Variants in RPSA2 observed in about 807,000 individuals in gnomAD.
The protein encoded by RPSA2 is ribosomal protein SA 2.
chr19:23,820,694 C>CCT, the RPSA2 span, among the ~76,000 whole-genome samples: 1 of 152,070 alleles, frequency 6.6e-6, no homozygotes, highest in Non-Finnish European at 1.5e-5. Context: ...AGTTAAAACT[C>CCT]CTCCTTATAT....
chr19:23,829,134 T>C, the RPSA2 span, among the ~76,000 whole-genome samples: 1 of 152,248 alleles, frequency 6.6e-6, no homozygotes, highest in Non-Finnish European at 1.5e-5. Flanking sequence ...ATTTGATTAA[T>C]GTTTGCATGG....
At chr19:23,851,002 C>A in the RPSA2 span, among the ~76,000 whole-genome samples, 5 of 152,276 alleles carry the variant, frequency 3.3e-5, no homozygotes, top group African/African-American at 9.6e-5. Flanking sequence ...AAATCAAAAG[C>A]CTTACATATC....
chr19:23,850,679 C>T, the RPSA2 span, among the ~76,000 whole-genome samples: 148,489 of 151,806 alleles, frequency 0.98, 72,716 homozygotes, highest in Middle Eastern at 1. Context: ...GTTATAATCG[C>T]TCCAGGTTCC....
At chr19:23,810,902 C>T in the RPSA2 span, among the ~76,000 whole-genome samples, 1 of 152,124 alleles carries the variant, frequency 6.6e-6, no homozygotes, top group South Asian at 2.1e-4. Flanking sequence ...CTGTAGTTTG[C>T]CACCTGAATG....
chr19:23,868,383 A>T, the RPSA2 span, among the ~76,000 whole-genome samples: 4 of 152,210 alleles, frequency 2.6e-5, no homozygotes, highest in African/African-American at 9.6e-5. Context: ...TTAAAAACTG[A>T]CAATAGACCT....
At chr19:23,806,624 A>G in the RPSA2 span, among the ~76,000 whole-genome samples, 5 of 151,662 alleles carry the variant, frequency 3.3e-5, no homozygotes, top group Non-Finnish European at 7.4e-5. Context: ...TCCCTACAAA[A>G]AATACAAAAA....
the RPSA2 span, among the ~76,000 whole-genome samples, chr19:23,851,912 G>A: frequency 6.6e-6 from 1 of 152,228 alleles, no homozygotes; most frequent in East Asian, 1.9e-4. Flanking sequence ...GAAGCGGCCT[G>A]AACTTTGAGC....
At chr19:23,805,930 C>T in the RPSA2 span, among the ~76,000 whole-genome samples, 7 of 152,094 alleles carry the variant, frequency 4.6e-5, no homozygotes, top group African/African-American at 1.2e-4. Flanking sequence ...ACCATGAATT[C>T]GTGATCTGCA....
the RPSA2 span, among the ~76,000 whole-genome samples, chr19:23,810,160 G>C: frequency 6.6e-6 from 1 of 152,038 alleles, no homozygotes. Context: ...GTGGGAGGCC[G>C]AGGCGGGTGG....
At chr19:23,855,538 G>T in the RPSA2 span, among the ~76,000 whole-genome samples, 1 of 152,254 alleles carries the variant, frequency 6.6e-6, no homozygotes, top group East Asian at 1.9e-4. Flanking sequence ...GTTTGTTTTG[G>T]CATAATAAGC....
the RPSA2 span, among the ~76,000 whole-genome samples, chr19:23,848,799 A>G: frequency 3.9e-5 from 6 of 152,332 alleles, no homozygotes; most frequent in East Asian, 1.2e-3. Flanking sequence ...CTTGTTGAGA[A>G]TTCCACATTT....
At chr19:23,771,505 C>T in the RPSA2 span, among the ~76,000 whole-genome samples, 1 of 152,332 alleles carries the variant, frequency 6.6e-6, no homozygotes, top group Non-Finnish European at 1.5e-5. Context: ...CCTCCACCTT[C>T]ATCCAGATGT....
the RPSA2 span, among the ~76,000 whole-genome samples, chr19:23,792,447 G>C: frequency 2.0e-5 from 3 of 152,116 alleles, no homozygotes; most frequent in Non-Finnish European, 4.4e-5. Context: ...GAGATTGGGA[G>C]GGTCTTACTG....
the RPSA2 span, among the ~76,000 whole-genome samples, chr19:23,856,757 T>C: frequency 3.3e-5 from 5 of 152,022 alleles, no homozygotes; most frequent in East Asian, 7.7e-4. Context: ...CACATATCGG[T>C]AGGACCATGA....
chr19:23,866,052 A>G, the RPSA2 span, among the ~76,000 whole-genome samples: 1 of 152,188 alleles, frequency 6.6e-6, no homozygotes, highest in Non-Finnish European at 1.5e-5. Context: ...TCTTCAAGGA[A>G]ACACTACAGA....
At chr19:23,836,830 T>A in the RPSA2 span, among the ~76,000 whole-genome samples, 1 of 152,054 alleles carries the variant, frequency 6.6e-6, no homozygotes, top group Admixed American at 6.6e-5. Context: ...GATTTTTCTA[T>A]TTTTTGATTT....
At chr19:23,807,998 G>A in the RPSA2 span, 159 of 220,322 alleles carry the variant, frequency 7.2e-4, no homozygotes, top group East Asian at 0.017. Flanking sequence ...TTTCTCTTTT[G>A]TAGAATGTTT....
the RPSA2 span, among the ~76,000 whole-genome samples, chr19:23,795,716 G>A: frequency 6.6e-6 from 1 of 152,138 alleles, no homozygotes; most frequent in Non-Finnish European, 1.5e-5. Flanking sequence ...TTGAATAGAA[G>A]TGTTGAGAGA....
chr19:23,827,113 T>C, the RPSA2 span: 4 of 751,948 alleles, frequency 5.3e-6, no homozygotes. Context: ...GAGGGGTCCA[T>C]ACGGCGTTGT....
Sources: gnomAD v4.1 joint callset for allele counts (sites outside exome capture counted in the v4.1 genomes callset) on GRCh38, gnomAD v4.1.1 for gene constraint, MANE v1.5 for transcripts, NCBI Gene and HGNC (gene_info 2026-07-23, HGNC 2026-07-21) for gene names.